Variants in FGF13 observed in about 807,000 individuals in gnomAD.
FGF13 encodes fibroblast growth factor 13, also known as fibroblast growth factor homologous factor 2.
A neutral mutation model predicts 19.5 loss-of-function variants in FGF13; 2 were observed. The observed-to-expected ratio is 0.10, with a 90% CI of 0.04 to 0.32. The LOEUF (loss-of-function observed/expected upper bound fraction) is 0.32. FGF13 is among the 10% of genes least tolerant of loss of function. FGF13 has a pLI of 1.00. For synonymous variants in FGF13, 72 were observed against 76.9 expected (o/e 0.94, Z 0.33); for missense variants, 113 against 192.7 (o/e 0.59, Z 2.45).
intron 1 of FGF13, among the ~76,000 whole-genome samples, chrX:139,153,286 C>G (rs752909408): frequency 1.6e-3 from 172 of 109,231 alleles, no homozygotes; most frequent in African/African-American, 5.4e-3. Context: ...AAATTTGCCT[C>G]AATGTCTGTT....
At chrX:138,848,902 G>T (rs1346691640) in intron 3 of FGF13, among the ~76,000 whole-genome samples, 1 of 111,750 alleles carries the variant, frequency 8.9e-6, no homozygotes, top group Non-Finnish European at 1.9e-5. Context: ...TTCACAGCAA[G>T]ACAGCAATAT....
At chrX:139,037,152 G>GA (rs1001009675) in intron 1 of FGF13, among the ~76,000 whole-genome samples, 5 of 111,029 alleles carry the variant, frequency 4.5e-5, no homozygotes, top group Admixed American at 3.8e-4. Context: ...CTTCTCTGCA[G>GA]AAAAAAATTT....
intron 3 of FGF13, among the ~76,000 whole-genome samples, chrX:138,836,921 A>T (rs1421130960): frequency 6.9e-5 from 7 of 100,808 alleles, no homozygotes; most frequent in Middle Eastern, 5.3e-3. Context: ...CCCCTTTTCC[A>T]TAGGGCTGTT....
intron 1 of FGF13, among the ~76,000 whole-genome samples, chrX:139,025,703 G>T (rs2092198245): frequency 1.8e-5 from 2 of 111,079 alleles, no homozygotes; most frequent in South Asian, 7.5e-4. Flanking sequence ...GTTCCCTCTA[G>T]AAACCACTCT....
intron 1 of FGF13, among the ~76,000 whole-genome samples, chrX:139,071,169 T>G (rs2092375550): frequency 1.8e-5 from 2 of 111,977 alleles, no homozygotes; most frequent in Non-Finnish European, 3.8e-5. Flanking sequence ...ATCTTTATCT[T>G]TAAACCAAGT....
intron 1 of FGF13, among the ~76,000 whole-genome samples, chrX:139,019,435 T>C (rs181569962): frequency 8.4e-4 from 93 of 110,394 alleles, no homozygotes; most frequent in African/African-American, 2.8e-3. Context: ...GCACATTAAG[T>C]AAAAGCCAAA....
chrX:138,929,957 C>G (rs1310151710), intron 1 of FGF13, among the ~76,000 whole-genome samples: 1 of 110,037 alleles, frequency 9.1e-6, no homozygotes, highest in Non-Finnish European at 1.9e-5. Flanking sequence ...CTTTCTCCCA[C>G]TTCTCAGTAT....
At chrX:139,003,500 C>T (rs184576373) in intron 1 of FGF13, among the ~76,000 whole-genome samples, 107 of 111,804 alleles carry the variant, frequency 9.6e-4, no homozygotes, top group African/African-American at 3.2e-3. Flanking sequence ...TTATCTGGCC[C>T]CACCCACATC....
intron 1 of FGF13, among the ~76,000 whole-genome samples, chrX:139,147,862 G>T (rs1603221355): frequency 4.9e-5 from 5 of 101,142 alleles, no homozygotes; most frequent in South Asian, 8.6e-4. Flanking sequence ...GTAACTCTGG[G>T]TTTTTTTTTT....
intron 1 of FGF13, among the ~76,000 whole-genome samples, chrX:139,152,205 T>C (rs1450580636): frequency 3.7e-5 from 4 of 107,134 alleles, no homozygotes; most frequent in South Asian, 4.1e-4. Context: ...ATAGCTCAAA[T>C]CATGTGCAGG....
At chrX:139,041,692 G>C (rs2092270582) in intron 1 of FGF13, among the ~76,000 whole-genome samples, 1 of 111,818 alleles carries the variant, frequency 8.9e-6, no homozygotes, top group Non-Finnish European at 1.9e-5. Context: ...GTCTGATTCT[G>C]TGTTCTAAAT....
chrX:138,728,733 C>T (rs2090204468), intron 1 of FGF13, among the ~76,000 whole-genome samples: 1 of 110,540 alleles, frequency 9.0e-6, no homozygotes, highest in Admixed American at 9.6e-5. Context: ...GCATTGAGTA[C>T]CTTCAGTACA....
At chrX:138,669,177 G>A (rs764970278) in intron 3 of FGF13, among the ~76,000 whole-genome samples, 12 of 110,748 alleles carry the variant, frequency 1.1e-4, no homozygotes, top group Admixed American at 3.9e-4. Flanking sequence ...AGGAGGTAGT[G>A]AAGGTACAGG....
chrX:138,659,989 T>C (rs2089474612), intron 3 of FGF13, among the ~76,000 whole-genome samples: 3 of 110,986 alleles, frequency 2.7e-5, no homozygotes, highest in African/African-American at 3.3e-5. Context: ...GATGAGTTGA[T>C]GGGTGCAACA....
chrX:138,891,209 C>T (rs1327516685), intron 1 of FGF13, among the ~76,000 whole-genome samples: 2 of 111,612 alleles, frequency 1.8e-5, no homozygotes, highest in Admixed American at 9.5e-5. Flanking sequence ...GCCGTGAACT[C>T]GGGAGGCGGA....
At chrX:138,805,442 T>C (rs17001799) in intron 3 of FGF13, among the ~76,000 whole-genome samples, 2,968 of 111,676 alleles carry the variant, frequency 0.027, 78 homozygotes, top group African/African-American at 0.074. Flanking sequence ...GATGCTTTCA[T>C]TAAATTGCCT....
At chrX:139,130,132 A>G (rs1569456140) in intron 1 of FGF13, among the ~76,000 whole-genome samples, 1 of 112,246 alleles carries the variant, frequency 8.9e-6, no homozygotes, top group African/African-American at 3.2e-5. Context: ...TTATTCTTCT[A>G]TACAAATTTT....
chrX:138,709,482 G>A (rs758002877), intron 1 of FGF13, among the ~76,000 whole-genome samples: 9 of 111,745 alleles, frequency 8.1e-5, no homozygotes, highest in Non-Finnish European at 1.7e-4. Flanking sequence ...TACCAAAAAA[G>A]GGAGGAGGGA....
chrX:139,100,604 A>G (rs1240851528), intron 1 of FGF13, among the ~76,000 whole-genome samples: 1 of 111,865 alleles, frequency 8.9e-6, no homozygotes, highest in Non-Finnish European at 1.9e-5. Flanking sequence ...CTACAATACA[A>G]CAAAGACGAT....
Sources: gnomAD v4.1 joint callset for allele counts (sites outside exome capture counted in the v4.1 genomes callset) on GRCh38, gnomAD v4.1.1 for gene constraint, MANE v1.5 for transcripts, NCBI Gene and HGNC (gene_info 2026-07-23, HGNC 2026-07-21) for gene names.